Variants in NCS1 observed in about 807,000 individuals in gnomAD.
The protein encoded by NCS1 is frequenin homolog.
NCS1 carries 6 observed loss-of-function variants against 28.4 expected under a neutral mutation model. The ratio of observed to expected loss-of-function variants is 0.21; its 90% CI spans 0.12 to 0.42. NCS1 has a LOEUF of 0.42. NCS1 is among the 10% of genes least tolerant of loss of function. The pLI, the probability that NCS1 is intolerant of heterozygous loss-of-function variation, is 1.00. For missense variants in NCS1, 131 were observed against 241.4 expected, an observed-to-expected ratio of 0.54 and a Z score of 3.03; for synonymous variants, 86 against 99.3, an observed-to-expected ratio of 0.87 and a Z score of 0.79.
At chr9:130,176,116 G>A (rs541782667) in intron 1 of NCS1, among the ~76,000 whole-genome samples, 2 of 148,342 alleles carry the variant, frequency 1.3e-5, no homozygotes, top group Admixed American at 6.7e-5. Flanking sequence ...GCCAGTGATC[G>A]TAATTAATGC....
rs143085546 is a variant in NCS1 at position 130,190,237 on chromosome 9, G to T, written c.65-10721G>T. Among the ~76,000 whole-genome samples the T allele has an allele frequency of 7.2e-4, 110 of 152,126 alleles. 1 individual carries two copies. The highest frequency in any genetic ancestry group is 2.5e-3 in the African/African-American group (103 of 41,470). On this transcript the variant is annotated intron_variant, in intron 1 of 7. Coordinates refer to ENST00000372398, the MANE Select transcript of NCS1 (RefSeq NM_014286.4). ...ACTATGTGCCAGATGCTACCATTTG[G>T]CTGCAACTTAGGCAGACATAGATCC...
At chr9:130,203,134 ATAT>A (rs1414461863) in intron 2 of NCS1, among the ~76,000 whole-genome samples, 23 of 64,358 alleles carry the variant, frequency 3.6e-4, no homozygotes, top group East Asian at 1.0e-3. Flanking sequence ...ATATATATAT[ATAT>A]TTTTTTTTTT....
At chr9:130,184,192 C>G (rs1832709881) in intron 1 of NCS1, among the ~76,000 whole-genome samples, 2 of 152,164 alleles carry the variant, frequency 1.3e-5, no homozygotes, top group Admixed American at 6.5e-5. Context: ...AAATCCTTTG[C>G]TCTCCACTTC....
At chr9:130,211,956 C>T (rs1352879335) in intron 2 of NCS1, among the ~76,000 whole-genome samples, 3 of 152,056 alleles carry the variant, frequency 2.0e-5, no homozygotes, top group African/African-American at 7.2e-5. Flanking sequence ...AGAGGCTTCT[C>T]TCAGGGAGAT....
intron 2 of NCS1, among the ~76,000 whole-genome samples, chr9:130,208,433 C>G (rs1288492624): frequency 6.6e-6 from 1 of 152,028 alleles, no homozygotes; most frequent in Admixed American, 6.6e-5. Context: ...CACCCACCAC[C>G]ACGCCTGGCT....
intron 1 of NCS1, among the ~76,000 whole-genome samples, chr9:130,197,737 C>T (rs13291607): frequency 4.6e-5 from 7 of 152,190 alleles, no homozygotes; most frequent in East Asian, 1.9e-4. Context: ...CCAAGGCAGA[C>T]GTATCACTTG....
intron 1 of NCS1, among the ~76,000 whole-genome samples, chr9:130,188,433 T>TC (rs1367442837): frequency 1.3e-5 from 2 of 151,914 alleles, no homozygotes; most frequent in African/African-American, 4.8e-5. Context: ...CTTTTTTTTT[T>TC]TTTTTTGAGA....
rs4836698 is a variant in NCS1 at position 130,219,711 on chromosome 9, C to T, written c.229-14C>T. The stretch of plus-strand genomic sequence containing the variant: ...CCGGCACTGACTGAGGCAATCCCCT[C>T]TCTCTCCTGTCAGGACGGGCGAATT... On this transcript the variant is annotated splice_polypyrimidine_tract_variant and intron_variant, in intron 3 of 7. Transcript: ENST00000372398. This position sits in a 1 kb window ranked among gnomAD's most constrained non-coding sequence, Gnocchi z 5.7. 0.014 allele frequency: 22,501 copies of T among 1,614,058 alleles called. 546 individuals carry two copies. Among genetic ancestry groups the T allele is most frequent in the Admixed American group, 0.1 (6,208 of 60,022 alleles).
In NCS1 at chr9:130,189,858, CAAAAAAAA is replaced by C. The variant is rs869189538; in HGVS notation, c.65-11085_65-11078del. ...CAGAGCTAGAAGATAGACTCCATCT[CAAAAAAAA>C]AAAAAAAAAAAAAATATATATATAT... On this transcript the variant is annotated intron_variant, in intron 1 of 7. Transcript: ENST00000372398. Among the ~76,000 whole-genome samples, 6 of 43,114 alleles carry C rather than the reference CAAAAAAAA, an allele frequency of 1.4e-4. 1 individual carries two copies. The highest frequency in any genetic ancestry group is 6.8e-4 in the African/African-American group (4 of 5,916). 28.3% of individuals were successfully genotyped at this position (43,114 alleles called of 152,430 possible). A position where few individuals can be genotyped will look rare whatever the true frequency, so the allele number is the denominator to read the frequency against.
At position 130,192,154 on chromosome 9, in the gene NCS1, T is replaced by TG. The variant is rs1302568574; in HGVS notation, c.65-8798dup. Among the ~76,000 whole-genome samples, 1 of 151,468 alleles carries TG rather than the reference T, an allele frequency of 6.6e-6. No homozygotes were observed. The highest frequency in any genetic ancestry group is 1.5e-5 in the Non-Finnish European group (1 of 67,882). Reference sequence around the variant, plus strand: ...TGGCAGACAGGTATGGGATTGGGAGTGGGGGGTGGTCTCTCTTCTCACCCT... The same window carrying TG: ...TGGCAGACAGGTATGGGATTGGGAGTGGGGGGGTGGTCTCTCTTCTCACCCT... On this transcript the variant is annotated intron_variant, in intron 1 of 7. Transcript: ENST00000372398. This position sits in a 1 kb window ranked among gnomAD's most constrained non-coding sequence, Gnocchi z 4.8.
At chr9:130,194,605 A>G (rs1832856353) in intron 1 of NCS1, among the ~76,000 whole-genome samples, 1 of 152,134 alleles carries the variant, frequency 6.6e-6, no homozygotes, top group East Asian at 1.9e-4. Context: ...GTAGGAGTTT[A>G]TACCCCATCC....
intron 1 of NCS1, among the ~76,000 whole-genome samples, chr9:130,195,430 G>A (rs1437891581): frequency 1.3e-5 from 2 of 150,984 alleles, no homozygotes; most frequent in African/African-American, 4.9e-5. Flanking sequence ...TCCCAGCTGG[G>A]CTTTGTTTTT....
intron 1 of NCS1, among the ~76,000 whole-genome samples, chr9:130,179,784 T>A (rs4837480): frequency 0.19 from 29,640 of 152,146 alleles, 3,644 homozygotes; most frequent in East Asian, 0.6. Flanking sequence ...AGAATCCTAG[T>A]ATCTTTCAGC....
At chr9:130,185,358 T>C (rs1215116354) in intron 1 of NCS1, among the ~76,000 whole-genome samples, 2 of 152,284 alleles carry the variant, frequency 1.3e-5, no homozygotes, top group Non-Finnish European at 2.9e-5. Context: ...AGCCAATGAA[T>C]GAACGAAGTT....
In NCS1 at chr9:130,236,545, C is replaced by G. The variant is rs1833597362; in HGVS notation, c.*3573C>G. ...GCACTGTGATGGGAAGCCTTGCCCC[C>G]CTCTTTTTTTTTTTTTTTTAATATC... On this transcript the variant is annotated 3_prime_UTR_variant, in exon 8 of 8. Coordinates refer to ENST00000372398, the MANE Select transcript of NCS1 (RefSeq NM_014286.4). The G allele has an allele frequency of 1.3e-5, 1 of 77,128 alleles. No individual in the cohort carries two copies. Among genetic ancestry groups the G allele is most frequent in the Non-Finnish European group, 2.5e-5 (1 of 39,620 alleles). 4.8% of individuals were successfully genotyped at this position (77,128 alleles called of 1,614,324 possible).
At chr9:130,172,904 G>T (rs1832505529) in intron 1 of NCS1, among the ~76,000 whole-genome samples, 177 bp downstream of exon 1, 1 of 149,366 alleles carries the variant, frequency 6.7e-6, no homozygotes, top group Non-Finnish European at 1.5e-5. Context: ...CCTGCCCCCC[G>T]CCCGGCCCCA....
At chr9:130,174,634 A>G (rs1217884813) in intron 1 of NCS1, among the ~76,000 whole-genome samples, 1 of 152,088 alleles carries the variant, frequency 6.6e-6, no homozygotes, top group African/African-American at 2.4e-5. Context: ...AACGTGGAGA[A>G]ACCCCCATCT....
chr9:130,178,777 T>G (rs1832611234), intron 1 of NCS1, among the ~76,000 whole-genome samples: 1 of 138,018 alleles, frequency 7.2e-6, no homozygotes. Context: ...TCGGTGGGGA[T>G]GACATGAAAG....
At chr9:130,205,515 T>TAC (rs1833011393) in intron 2 of NCS1, among the ~76,000 whole-genome samples, 1 of 118,386 alleles carries the variant, frequency 8.4e-6, no homozygotes, top group African/African-American at 3.3e-5. Flanking sequence ...CTGCAGGCAA[T>TAC]ACAGTGAGAC....
Sources: allele counts gnomAD v4.1 joint callset (sites outside exome capture counted in the v4.1 genomes callset), GRCh38; gene constraint gnomAD v4.1.1; non-coding constraint Gnocchi (gnomAD v3.1); transcripts MANE v1.5; gene names NCBI Gene and HGNC (gene_info 2026-07-23, HGNC 2026-07-21).